SGCZ: variants seen among roughly 807,000 people sequenced by gnomAD.
SGCZ encodes zeta-sarcoglycan.
SGCZ carries 40 observed loss-of-function variants against 41.3 expected under a neutral mutation model. The ratio of observed to expected loss-of-function variants is 0.97; its 90% CI spans 0.75 to 1.26. SGCZ has a LOEUF of 1.26. SGCZ is among the 50% of genes most tolerant of loss of function. The pLI is 0.00. For missense variants in SGCZ, 552 were observed against 369.8 expected (o/e 1.49, Z -4.04); for synonymous variants, 206 against 137.5 (o/e 1.50, Z -3.49).
chr8:14,921,752 TC>T (rs1447653406), intron 1 of SGCZ, among the ~76,000 whole-genome samples: 22 of 152,188 alleles, frequency 1.4e-4, no homozygotes, highest in Non-Finnish European at 2.1e-4. Flanking sequence ...TTGTGTTTTT[TC>T]CATAGATTTT....
intron 1 of SGCZ, among the ~76,000 whole-genome samples, chr8:14,936,454 CTTAAAG>C (rs1442216835): frequency 6.6e-6 from 1 of 151,744 alleles, no homozygotes; most frequent in Non-Finnish European, 1.5e-5. Context: ...GAAAACTGTA[CTTAAAG>C]TTAAAAACAG....
chr8:15,188,318 C>T (rs1286997339), intron 1 of SGCZ, among the ~76,000 whole-genome samples: 1 of 152,056 alleles, frequency 6.6e-6, no homozygotes, highest in Non-Finnish European at 1.5e-5. Context: ...GCTCCTAGAA[C>T]ATCTGTTACT....
chr8:14,703,041 A>C (rs1224945555), intron 1 of SGCZ, among the ~76,000 whole-genome samples: 1 of 151,900 alleles, frequency 6.6e-6, no homozygotes, highest in East Asian at 1.9e-4. Flanking sequence ...TCCTGAAGCA[A>C]GTTTCCATTA....
At chr8:14,457,166 T>A (rs1446946731) in intron 2 of SGCZ, among the ~76,000 whole-genome samples, 1 of 152,252 alleles carries the variant, frequency 6.6e-6, no homozygotes, top group Non-Finnish European at 1.5e-5. Flanking sequence ...AATTACTTTT[T>A]ATTCCAGTAT....
At chr8:14,357,585 C>T (rs940718367) in intron 2 of SGCZ, among the ~76,000 whole-genome samples, 6 of 152,134 alleles carry the variant, frequency 3.9e-5, no homozygotes, top group African/African-American at 9.7e-5. Context: ...GGACTCGCTA[C>T]CTCCACGTAA....
At chr8:14,219,326 G>A (rs1458455835) in intron 4 of SGCZ, among the ~76,000 whole-genome samples, 1 of 152,140 alleles carries the variant, frequency 6.6e-6, no homozygotes, top group Non-Finnish European at 1.5e-5. Flanking sequence ...CTACATCTGA[G>A]AAGTATGCTC....
At chr8:14,170,202 C>T (rs531684305) in intron 4 of SGCZ, among the ~76,000 whole-genome samples, 26 of 152,050 alleles carry the variant, frequency 1.7e-4, no homozygotes, top group Middle Eastern at 3.4e-3. Context: ...CGAATCCACA[C>T]GTACAAATCC....
chr8:15,149,502 C>G (rs1012389686), intron 1 of SGCZ, among the ~76,000 whole-genome samples: 3 of 152,126 alleles, frequency 2.0e-5, no homozygotes, highest in Non-Finnish European at 4.4e-5. Flanking sequence ...TGCATTTCCT[C>G]CAGCCTCCAA....
chr8:14,243,358 A>T (rs1798959661), intron 3 of SGCZ, among the ~76,000 whole-genome samples: 1 of 152,172 alleles, frequency 6.6e-6, no homozygotes, highest in African/African-American at 2.4e-5. Flanking sequence ...TACTTCTTGA[A>T]TGCATCTTTT....
intron 2 of SGCZ, among the ~76,000 whole-genome samples, chr8:14,459,520 C>G (rs1800842314): frequency 6.6e-6 from 1 of 152,060 alleles, no homozygotes; most frequent in Non-Finnish European, 1.5e-5. Context: ...CAGGCAAGAT[C>G]TATTGATAGA....
intron 1 of SGCZ, among the ~76,000 whole-genome samples, chr8:15,162,027 C>A (rs932228079): frequency 2.0e-5 from 3 of 152,134 alleles, no homozygotes; most frequent in Non-Finnish European, 4.4e-5. Flanking sequence ...TGAAAAGAGG[C>A]AAACTGCCTT....
chr8:14,144,666 C>G (rs142928231), intron 5 of SGCZ, among the ~76,000 whole-genome samples: 1 of 151,788 alleles, frequency 6.6e-6, no homozygotes, highest in South Asian at 2.1e-4. Flanking sequence ...TGTAGAGCAC[C>G]AAGCAGGCTC....
chr8:15,091,740 T>A (rs1275171956), intron 1 of SGCZ, among the ~76,000 whole-genome samples: 2 of 152,104 alleles, frequency 1.3e-5, no homozygotes, highest in South Asian at 4.1e-4. Flanking sequence ...ATAAGAGGAC[T>A]CCTAATTTAT....
intron 2 of SGCZ, among the ~76,000 whole-genome samples, chr8:14,329,986 G>C (rs1453858905): frequency 6.6e-6 from 1 of 152,006 alleles, no homozygotes; most frequent in Non-Finnish European, 1.5e-5. Context: ...CTAGCTGCTT[G>C]AGATAATCTT....
intron 1 of SGCZ, among the ~76,000 whole-genome samples, chr8:15,195,359 G>A (rs1417880805): frequency 6.6e-6 from 1 of 152,124 alleles, no homozygotes; most frequent in Non-Finnish European, 1.5e-5. Context: ...TAACTGATTT[G>A]TCTGAACACT....
At chr8:14,159,288 T>C (rs548792060) in intron 5 of SGCZ, among the ~76,000 whole-genome samples, 5 of 152,156 alleles carry the variant, frequency 3.3e-5, no homozygotes, top group Admixed American at 2.6e-4. Flanking sequence ...ACTGTCCTCT[T>C]TTATGACTGT....
intron 1 of SGCZ, among the ~76,000 whole-genome samples, chr8:14,827,251 T>C (rs943593072): frequency 1.3e-5 from 2 of 149,598 alleles, no homozygotes; most frequent in African/African-American, 4.9e-5. Flanking sequence ...TTTTTTTTTT[T>C]TTTGAGACAA....
chr8:14,756,495 A>G (rs558672857), intron 1 of SGCZ, among the ~76,000 whole-genome samples: 30 of 152,132 alleles, frequency 2.0e-4, no homozygotes, highest in African/African-American at 7.0e-4. Flanking sequence ...GGAAGTAACA[A>G]TTTTTGTTTC....
intron 1 of SGCZ, among the ~76,000 whole-genome samples, chr8:15,217,407 A>T (rs1801441758): frequency 8.7e-6 from 1 of 114,426 alleles, no homozygotes. Flanking sequence ...ACACAGCGAG[A>T]CTCCGTCTCA....
Sources: allele counts gnomAD v4.1 joint callset (sites outside exome capture counted in the v4.1 genomes callset), GRCh38; gene constraint gnomAD v4.1.1; transcripts MANE v1.5; gene names NCBI Gene and HGNC (gene_info 2026-07-23, HGNC 2026-07-21).